Variants in KIF24 observed in about 807,000 individuals in gnomAD.
KIF24 encodes kinesin-like protein KIF24.
A neutral mutation model predicts 118.9 loss-of-function variants in KIF24; 81 were observed. The ratio of observed to expected loss-of-function variants is 0.68; its 90% CI spans 0.57 to 0.82. The LOEUF (loss-of-function observed/expected upper bound fraction) is 0.82. Among genes scored for constraint, KIF24 ranks in the 40% least tolerant of loss-of-function variants. KIF24 has a pLI of 0.00. For missense variants in KIF24, 1,560 were observed against 1,661.6 expected (o/e 0.94, Z 1.06); for synonymous variants, 599 against 610.0 (o/e 0.98, Z 0.27).
rs1225433201 is a variant in KIF24, at chr9:34,252,434, C to T, written c.*1946G>A. 6.6e-6 allele frequency: 1 copy of T among 151,546 alleles called. No individual in the cohort carries two copies. Among genetic ancestry groups the T allele is most frequent in the Non-Finnish European group, 1.5e-5 (1 of 67,918 alleles). 9.4% of individuals were successfully genotyped at this position (151,546 alleles called of 1,614,324 possible). ...TTGTACATCATTAAAGATCTAAATA[C>T]AAAGGATATACAGTCTTGAATCTAA... On this transcript the variant is annotated 3_prime_UTR_variant, in exon 13 of 13. Coordinates refer to ENST00000402558, the MANE Select transcript of KIF24 (RefSeq NM_194313.4).
intron 1 of KIF24, among the ~76,000 whole-genome samples, chr9:34,314,194 C>T (rs997498666): frequency 1.3e-5 from 2 of 149,700 alleles, no homozygotes; most frequent in East Asian, 2.0e-4. Context: ...GAGACAGTCT[C>T]GCTCTGTTGC....
chr9:34,309,669 T>C lies in KIF24; in HGVS notation c.623+1055A>G, dbSNP rs1019567447. On this transcript the variant is annotated intron_variant, in intron 2 of 12. Coordinates refer to ENST00000402558, the MANE Select transcript of KIF24 (RefSeq NM_194313.4). ...TCAGAATTAAAAGAAGAAAACAGTA[T>C]TACATGCTCTGTGATCTCCTAGACC... 1.1e-4 allele frequency among the ~76,000 whole-genome samples: 16 copies of C among 152,094 alleles called. 1 individual carries two copies. Among genetic ancestry groups the C allele is most frequent in the Admixed American group, 1.0e-3 (16 of 15,276 alleles).
chr9:34,332,933 A>C (rs1434663836), upstream of KIF24, among the ~76,000 whole-genome samples: 4 of 152,222 alleles, frequency 2.6e-5, no homozygotes, highest in Non-Finnish European at 5.9e-5. Context: ...AAAGGGAAGA[A>C]AGAAACTGGC....
At chr9:34,265,276 C>A (rs967196797) in intron 8 of KIF24, among the ~76,000 whole-genome samples, 1 of 152,144 alleles carries the variant, frequency 6.6e-6, no homozygotes, top group Non-Finnish European at 1.5e-5. Context: ...TCAAGTGATC[C>A]TCTCACCTCA....
intron 6 of KIF24, among the ~76,000 whole-genome samples, chr9:34,282,079 T>C (rs1835868271): frequency 6.6e-6 from 1 of 152,212 alleles, no homozygotes; most frequent in East Asian, 1.9e-4. Context: ...AAAACCTTTG[T>C]ACATGAATGT....
rs757563505 is a variant in KIF24, at chr9:34,257,157, C to T, written c.2450G>A (p.Gly817Glu). 1.2e-6 allele frequency: 2 copies of T among 1,613,986 alleles called. No homozygotes were observed. The highest frequency in any genetic ancestry group is 1.7e-6 in the Non-Finnish European group (2 of 1,179,884). Residue 817 changes from glycine to glutamate, a missense_variant, in exon 11 of 13, where the codon GGA becomes GAA. Physicochemically the swap from Gly to Glu is moderately conservative, Grantham distance 98. Around this residue, in one of 3 missense-constraint regions of KIF24, gnomAD observed 964 missense variants for 988.0 expected, o/e 0.98. Coordinates refer to ENST00000402558, the MANE Select transcript of KIF24 (RefSeq NM_194313.4). ...LFHSYSENHD[G>E]AQVEELDDSD... ...GTCATCAAGTTCCTCTACTTGGGCT[C>T]CATCATGGTTTTCAGAGTAAGAGTG...
intron 1 of KIF24, among the ~76,000 whole-genome samples, chr9:34,324,274 T>G (rs1837607325): frequency 6.6e-6 from 1 of 152,192 alleles, no homozygotes; most frequent in Non-Finnish European, 1.5e-5. Flanking sequence ...AATAACAGAA[T>G]TCATTATACC....
chr9:34,254,656 T>C, intron 12 of KIF24, 136 bp from the exon 13 acceptor site: 1 of 857,002 alleles, frequency 1.2e-6, no homozygotes, highest in South Asian at 1.6e-5. Flanking sequence ...TGTAGGATAG[T>C]TGCTATGGCA....
At position 34,318,528 on chromosome 9, in the gene KIF24, C is replaced by T. The variant is rs1837403767; in HGVS notation, c.-25-7157G>A. The T allele has an allele frequency of 9.1e-6, 9 of 990,098 alleles. No individual in the cohort carries two copies. The highest frequency in any genetic ancestry group is 1.9e-5 in the Admixed American group (1 of 52,376). 61.3% of individuals were successfully genotyped at this position (990,098 alleles called of 1,614,324 possible). A position where few individuals can be genotyped will look rare whatever the true frequency, so the allele number is the denominator to read the frequency against. On this transcript the variant is annotated intron_variant, in intron 1 of 12. Transcript: ENST00000402558. This position sits in a 1 kb window ranked among gnomAD's most constrained non-coding sequence, Gnocchi z 4.9. ...GAGAAGCTGAGCCCCAAGGCAGCCACGCTGGCCGAACACAGCGCCGGCCTG... is the reference window on the plus strand; with the variant it reads ...GAGAAGCTGAGCCCCAAGGCAGCCATGCTGGCCGAACACAGCGCCGGCCTG...
Position 34,263,163 on chromosome 9 carries a change from A to G in KIF24, c.1453T>C (p.Cys485Arg), listed in dbSNP as rs1835158461. ...TGTTCCTGATCCAGTGCTCGGATAC[A>G]TTCCTTCAGCTGCAAAGTGGGAGAA... ...INQSLLALKE[C>R]IRALDQEHTH... Residue 485 changes from cysteine (C) to arginine (R), a missense_variant, in exon 9 of 13, where the codon TGT (cysteine) becomes CGT (arginine). By Grantham distance (180) the Cys-to-Arg change is radical (BLOSUM62 -3). Around this residue, in one of 3 missense-constraint regions of KIF24, gnomAD observed 964 missense variants for 988.0 expected, o/e 0.98. Coordinates refer to ENST00000402558, the MANE Select transcript of KIF24 (RefSeq NM_194313.4). The G allele has an allele frequency of 6.2e-6, 10 of 1,613,050 alleles. No homozygotes were observed. In the East Asian group the frequency reaches 2.2e-4, roughly 36 times the overall value.
rs1402557159 is a variant in KIF24 at position 34,290,177 on chromosome 9, T to C, written c.1124A>G (p.Lys375Arg). The C allele has an allele frequency of 6.2e-7, 1 of 1,609,022 alleles. No individual in the cohort carries two copies. ...GQLYDLLNRR[K>R]RLFAREDSKH... Reference sequence around the variant, plus strand: ...GCTTCCCACTCATATTCAGTACCTTTTTCTTCTATTTAGGAGGTCATAAAG... The same window carrying C: ...GCTTCCCACTCATATTCAGTACCTTCTTCTTCTATTTAGGAGGTCATAAAG... The change falls in exon 5 of 13, where the codon AAA becomes AGA. Residue 375 changes from lysine (K) to arginine (R), a missense_variant. Physicochemically the swap from Lys to Arg is conservative, Grantham distance 26. Around this residue, in one of 3 missense-constraint regions of KIF24, gnomAD observed 964 missense variants for 988.0 expected, o/e 0.98. Coordinates refer to ENST00000402558, the MANE Select transcript of KIF24 (RefSeq NM_194313.4).
chr9:34,293,146 CA>C (rs1221228691), intron 4 of KIF24, among the ~76,000 whole-genome samples: 1 of 151,820 alleles, frequency 6.6e-6, no homozygotes, highest in East Asian at 1.9e-4. Context: ...CAACAAAGCA[CA>C]AAAAAATGGG....
intron 3 of KIF24, among the ~76,000 whole-genome samples, chr9:34,302,442 T>C (rs950885585): frequency 1.3e-5 from 2 of 150,164 alleles, no homozygotes; most frequent in South Asian, 4.3e-4. Context: ...TAGCTGAAAC[T>C]ACAGGTACAT....
intron 6 of KIF24, among the ~76,000 whole-genome samples, chr9:34,283,249 A>G (rs1835919412): frequency 1.3e-5 from 2 of 151,662 alleles, no homozygotes; most frequent in South Asian, 4.2e-4. Context: ...ACACACCTGT[A>G]GTCCCAGCTA....
chr9:34,254,870 C>T (rs1416671204), intron 12 of KIF24, among the ~76,000 whole-genome samples: 3 of 152,130 alleles, frequency 2.0e-5, no homozygotes, highest in African/African-American at 7.2e-5. Flanking sequence ...CTGGAAAAGG[C>T]GAGTGTTGCA....
Position 34,304,988 on chromosome 9 carries a change from T to C in KIF24, c.813+1264A>G, listed in dbSNP as rs1836857620. On this transcript the variant is annotated intron_variant, in intron 3 of 12. Coordinates refer to ENST00000402558, the MANE Select transcript of KIF24 (RefSeq NM_194313.4). The stretch of plus-strand genomic sequence containing the variant: ...TAATATGAATGTTTAGGGAAGTAGA[T>C]TCAGAGTAAGAGAAACTGTGTACTC... 2.0e-5 allele frequency among the ~76,000 whole-genome samples: 3 copies of C among 152,300 alleles called. No homozygotes were observed. The South Asian group carries it at 6.2e-4, about 32-fold the overall frequency.
chr9:34,291,345 GA>G (rs907726031), intron 4 of KIF24, among the ~76,000 whole-genome samples: 41 of 150,766 alleles, frequency 2.7e-4, no homozygotes, highest in African/African-American at 7.8e-4. Context: ...ATCTTGAGGG[GA>G]AAAAAAAAGC....
At chr9:34,262,712 A>G (rs1332338111) in intron 9 of KIF24, among the ~76,000 whole-genome samples, 550 of 50,162 alleles carry the variant, frequency 0.011, 13 homozygotes, top group African/African-American at 0.04. Context: ...ATATATATAT[A>G]TGGCCAGGCA....
rs1587973146 is a variant in KIF24 at position 34,318,219 on chromosome 9, C to T, written c.-25-6848G>A. 1.3e-5 allele frequency among the ~76,000 whole-genome samples: 2 copies of T among 152,068 alleles called. No homozygotes were observed. The highest frequency in any genetic ancestry group is 3.9e-4 in the East Asian group (2 of 5,168). On this transcript the variant is annotated intron_variant, in intron 1 of 12. Transcript: ENST00000402558. This position sits in a 1 kb window ranked among gnomAD's most constrained non-coding sequence, Gnocchi z 4.9. The stretch of plus-strand genomic sequence containing the variant: ...CTAAAAAAAAGACATGAATAATGAA[C>T]ATATAGGTAACCCTCAGCTATAAGT...
Sources: gnomAD v4.1 joint callset for allele counts (sites outside exome capture counted in the v4.1 genomes callset) on GRCh38, gnomAD v4.1.1 for gene constraint, gnomAD v4.1.1 regional missense constraint, Gnocchi (gnomAD v3.1) non-coding constraint, MANE v1.5 for transcripts, NCBI Gene and HGNC (gene_info 2026-07-23, HGNC 2026-07-21) for gene names.